Variants in ROBO2 observed in about 807,000 individuals in gnomAD.
ROBO2 encodes the protein roundabout guidance receptor 2, also known as roundabout homolog 2.
ROBO2 carries 53 observed loss-of-function variants against 160.8 expected under a neutral mutation model. The observed-to-expected ratio is 0.33, with a 90% CI of 0.26 to 0.41. The LOEUF (loss-of-function observed/expected upper bound fraction) is 0.41, where lower values mean the gene tolerates loss of function less well. ROBO2 is among the 10% of genes least tolerant of loss of function. The pLI, the probability that ROBO2 is intolerant of heterozygous loss-of-function variation, is 1.00. For synonymous variants in ROBO2, 664 were observed against 611.7 expected, an observed-to-expected ratio of 1.09 and a Z score of -1.26; for missense variants, 1,577 against 1,722.4, an observed-to-expected ratio of 0.92 and a Z score of 1.49.
chr3:77,319,275 AG>A (rs1337654321), intron 2 of ROBO2, among the ~76,000 whole-genome samples: 1 of 152,206 alleles, frequency 6.6e-6, no homozygotes, highest in Non-Finnish European at 1.5e-5. Context: ...CTTTGGATAA[AG>A]AATTAATCAT....
intron 5 of ROBO2, among the ~76,000 whole-genome samples, chr3:77,502,827 C>T (rs561212754): frequency 7.2e-5 from 11 of 152,204 alleles, no homozygotes; most frequent in African/African-American, 1.9e-4. Flanking sequence ...AGGATTTGGA[C>T]GTCCTCAGCT....
At chr3:77,585,613 T>C (rs1319793179) in intron 16 of ROBO2, among the ~76,000 whole-genome samples, 1 of 152,068 alleles carries the variant, frequency 6.6e-6, no homozygotes, top group Non-Finnish European at 1.5e-5. Context: ...AGAAATTCTA[T>C]TTTTTGTGTA....
chr3:77,067,140 C>T (rs1459801271), intron 1 of ROBO2, among the ~76,000 whole-genome samples: 2 of 151,914 alleles, frequency 1.3e-5, no homozygotes, highest in African/African-American at 4.8e-5. Context: ...ACTGTCTGTA[C>T]TTGATTTTTC....
intron 2 of ROBO2, among the ~76,000 whole-genome samples, chr3:76,446,461 C>T (rs2077187514): frequency 1.3e-5 from 2 of 152,150 alleles, no homozygotes; most frequent in Non-Finnish European, 2.9e-5. Flanking sequence ...AATGGCCATA[C>T]TGCCCAAGGT....
intron 2 of ROBO2, among the ~76,000 whole-genome samples, chr3:76,619,353 G>GA (rs1032360523): frequency 1.6e-5 from 2 of 126,634 alleles, no homozygotes; most frequent in South Asian, 2.5e-4. Flanking sequence ...AAAAAAAAAA[G>GA]AAAAAAATAG....
intron 1 of ROBO2, among the ~76,000 whole-genome samples, chr3:77,087,781 C>T (rs1426365141): frequency 6.6e-6 from 1 of 151,308 alleles, no homozygotes; most frequent in Non-Finnish European, 1.5e-5. Context: ...TGTATATATA[C>T]ATATATGTAT....
chr3:76,333,874 C>T (rs2108061395), intron 2 of ROBO2, among the ~76,000 whole-genome samples: 1 of 152,268 alleles, frequency 6.6e-6, no homozygotes, highest in African/African-American at 2.4e-5. Flanking sequence ...CCATCATTCT[C>T]AGCAAACTAT....
At chr3:77,243,761 GT>G (rs1358204546) in intron 2 of ROBO2, among the ~76,000 whole-genome samples, 1 of 152,166 alleles carries the variant, frequency 6.6e-6, no homozygotes, top group Admixed American at 6.5e-5. Flanking sequence ...TATGACACAG[GT>G]TAGTAATCCC....
At chr3:76,796,405 C>T (rs1373790706) in intron 2 of ROBO2, among the ~76,000 whole-genome samples, 1 of 138,266 alleles carries the variant, frequency 7.2e-6, no homozygotes, top group African/African-American at 2.7e-5. Flanking sequence ...GAGAAAATCA[C>T]TTTCACAGGA....
intron 2 of ROBO2, among the ~76,000 whole-genome samples, chr3:76,764,708 T>C (rs1041509060): frequency 6.6e-6 from 1 of 151,538 alleles, no homozygotes; most frequent in African/African-American, 2.4e-5. Context: ...TGGCCACCTG[T>C]CTATCAAAAC....
intron 2 of ROBO2, among the ~76,000 whole-genome samples, chr3:77,374,274 T>A (rs2072311207): frequency 6.6e-6 from 1 of 151,812 alleles, no homozygotes; most frequent in Non-Finnish European, 1.5e-5. Flanking sequence ...GTCTTAGTTT[T>A]TTTGGTGTTT....
intron 2 of ROBO2, among the ~76,000 whole-genome samples, chr3:77,476,368 ATGTGTGTGTGTGTGTGTG>A (rs60219148): frequency 6.9e-6 from 1 of 144,116 alleles, no homozygotes; most frequent in Non-Finnish European, 1.5e-5. Context: ...GTCTGTGGGT[ATGTGTGTGTGTGTGTGTG>A]TGTGTGTGTG....
intron 2 of ROBO2, among the ~76,000 whole-genome samples, chr3:76,464,226 T>G (rs759700587): frequency 1.3e-5 from 2 of 152,164 alleles, no homozygotes; most frequent in Non-Finnish European, 2.9e-5. Flanking sequence ...CTTTCATATC[T>G]ACAGGTTACT....
intron 2 of ROBO2, among the ~76,000 whole-genome samples, chr3:77,182,712 A>G (rs1169422555): frequency 1.8e-4 from 27 of 152,000 alleles, no homozygotes; most frequent in Admixed American, 1.8e-3. Flanking sequence ...CTGAAACTGC[A>G]ATGAGTTGGT....
chr3:76,015,899 C>T (rs2066392208), intron 2 of ROBO2, among the ~76,000 whole-genome samples: 1 of 152,170 alleles, frequency 6.6e-6, no homozygotes, highest in Non-Finnish European at 1.5e-5. Context: ...AATCTATTCT[C>T]TATTTTCTTT....
At chr3:77,298,470 ACTCT>A (rs974816727) in intron 2 of ROBO2, among the ~76,000 whole-genome samples, 2 of 151,988 alleles carry the variant, frequency 1.3e-5, no homozygotes, top group Admixed American at 6.6e-5. Flanking sequence ...TAGAGTCCAG[ACTCT>A]CTCACTCATG....
At chr3:75,973,390 A>G (rs1003365647) in intron 2 of ROBO2, among the ~76,000 whole-genome samples, 2 of 151,678 alleles carry the variant, frequency 1.3e-5, no homozygotes, top group African/African-American at 4.8e-5. Flanking sequence ...AATTTAAAAA[A>G]TATGGCCACT....
chr3:76,825,295 A>T (rs1185126844), intron 2 of ROBO2, among the ~76,000 whole-genome samples: 1 of 152,160 alleles, frequency 6.6e-6, no homozygotes, highest in Non-Finnish European at 1.5e-5. Flanking sequence ...GGCACACTGG[A>T]CATGTTGTGA....
intron 2 of ROBO2, among the ~76,000 whole-genome samples, chr3:76,094,304 G>A (rs1475955554): frequency 6.6e-6 from 1 of 152,222 alleles, no homozygotes; most frequent in East Asian, 1.9e-4. Flanking sequence ...TTAATCCTCA[G>A]AAGCAGGAAG....
Sources: gnomAD v4.1 joint callset for allele counts (sites outside exome capture counted in the v4.1 genomes callset) on GRCh38, gnomAD v4.1.1 for gene constraint, MANE v1.5 for transcripts, NCBI Gene and HGNC (gene_info 2026-07-23, HGNC 2026-07-21) for gene names.